The following PTPRN2 variants were observed in gnomAD, a reference collection of about 807,000 sequenced individuals.
PTPRN2 encodes protein tyrosine phosphatase receptor type N2.
A neutral mutation model predicts 118.8 loss-of-function variants in PTPRN2; 74 were observed. The observed-to-expected ratio is 0.62, with a 90% CI of 0.52 to 0.76. The LOEUF is 0.76. Among genes scored for constraint, PTPRN2 ranks in the 30% least tolerant of loss-of-function variants. The pLI is 0.00. For synonymous variants in PTPRN2, 641 were observed against 608.0 expected (o/e 1.05, Z -0.80); for missense variants, 1,481 against 1,394.4 (o/e 1.06, Z -0.99).
chr7:157,936,561 C>A (rs1799712511), intron 11 of PTPRN2, among the ~76,000 whole-genome samples: 1 of 142,976 alleles, frequency 7.0e-6, no homozygotes. Flanking sequence ...CACTCGGAAG[C>A]CAGGGTGGGG....
intron 2 of PTPRN2, among the ~76,000 whole-genome samples, chr7:158,392,591 G>C (rs4909205): frequency 1.2e-4 from 18 of 152,108 alleles, no homozygotes; most frequent in African/African-American, 3.6e-4. Context: ...CCTTGTGTCC[G>C]TGGGGGAGGA....
Position 157,622,325 on chromosome 7 carries a change from G to A in PTPRN2, c.2197-816C>T, listed in dbSNP as rs189103266. Among the ~76,000 whole-genome samples, 311 of 152,046 alleles carry A rather than the reference G, an allele frequency of 2.0e-3. 1 individual carries two copies. The highest frequency in any genetic ancestry group is 7.0e-3 in the African/African-American group (290 of 41,472). On this transcript the variant is annotated intron_variant, in intron 14 of 22. Transcript: ENST00000389418. The surrounding 1 kb of genome is among the most constrained non-coding windows in gnomAD (Gnocchi z 5.3). ...ACACAGGTTCCAAGTGTGTCCACAC[G>A]AGAAAATAAAGCATGCATGTGTACA...
intron 10 of PTPRN2, among the ~76,000 whole-genome samples, chr7:158,098,264 G>A (rs1318303826): frequency 6.6e-6 from 1 of 152,232 alleles, no homozygotes; most frequent in Non-Finnish European, 1.5e-5. Context: ...TCCGCAATGT[G>A]GGCAGGGGAC....
Position 157,604,049 on chromosome 7 carries a change from C to A in PTPRN2, c.2371G>T (p.Ala791Ser). ...TYDHSRVLLK[A>S]ENSHSHSDYI... ...TCTGAGTGGCTGTGGCTGTTCTCCG[C>A]CTTCAGCAGGACCCGGGAGTGGTCA... The change falls in exon 16 of 23, where the codon GCG becomes TCG. Residue 791 changes from alanine (A) to serine (S), a missense_variant. Ala to Ser is a moderately conservative substitution (Grantham distance 99, BLOSUM62 1). Coordinates refer to ENST00000389418, the MANE Select transcript of PTPRN2 (RefSeq NM_002847.5). 6.2e-7 allele frequency: 1 copy of A among 1,613,814 alleles called. No individual in the cohort carries two copies. The highest frequency in any genetic ancestry group is 8.5e-7 in the Non-Finnish European group (1 of 1,180,020).
intron 11 of PTPRN2, among the ~76,000 whole-genome samples, chr7:158,065,155 G>C (rs963980857): frequency 6.6e-6 from 1 of 152,220 alleles, no homozygotes; most frequent in African/African-American, 2.4e-5. Context: ...ACATGGCAGT[G>C]GCTCTGACTG....
At chr7:157,919,854 C>T (rs1270409580) in intron 11 of PTPRN2, among the ~76,000 whole-genome samples, 1 of 152,200 alleles carries the variant, frequency 6.6e-6, no homozygotes, top group Non-Finnish European at 1.5e-5. Flanking sequence ...ACGGAGCTGA[C>T]AAATTCCTGT....
intron 2 of PTPRN2, among the ~76,000 whole-genome samples, chr7:158,478,408 G>A (rs943426873): frequency 2.6e-5 from 4 of 152,204 alleles, no homozygotes; most frequent in Non-Finnish European, 5.9e-5. Context: ...AGCAATGGAC[G>A]CCACTGGGGA....
chr7:157,837,019 C>CCACCCATCCACT (rs1807990635), intron 12 of PTPRN2, among the ~76,000 whole-genome samples: 1 of 71,166 alleles, frequency 1.4e-5, no homozygotes, highest in African/African-American at 5.5e-5. Context: ...ACCCATCCAC[C>CCACCCATCCACT]CACCACCACC....
chr7:158,338,198 G>A (rs1297169056), intron 2 of PTPRN2, among the ~76,000 whole-genome samples: 2 of 67,430 alleles, frequency 3.0e-5, no homozygotes, highest in Non-Finnish European at 5.8e-5. Flanking sequence ...GACACCTGCA[G>A]ACGTCACTCA....
chr7:158,323,898 CT>C (rs1188670197), intron 2 of PTPRN2, among the ~76,000 whole-genome samples: 2 of 152,194 alleles, frequency 1.3e-5, no homozygotes, highest in African/African-American at 4.8e-5. Context: ...TTTTCACACA[CT>C]TCTCCCATGC....
At chr7:157,727,318 A>G (rs1311432068) in intron 12 of PTPRN2, among the ~76,000 whole-genome samples, 1 of 152,244 alleles carries the variant, frequency 6.6e-6, no homozygotes, top group Non-Finnish European at 1.5e-5. Flanking sequence ...GTGCAGACAT[A>G]TGGCATAACA....
rs531371556 is a variant in PTPRN2 at position 157,840,328 on chromosome 7, A to G, written c.1788+58345T>C. Among the ~76,000 whole-genome samples the G allele has an allele frequency of 3.9e-3, 453 of 117,434 alleles. 4 individuals are homozygous for G. The highest frequency in any genetic ancestry group is 0.011 in the South Asian group (37 of 3,304). 77.0% of individuals were successfully genotyped at this position (117,434 alleles called of 152,430 possible). A position where few individuals can be genotyped will look rare whatever the true frequency, so the allele number is the denominator to read the frequency against. ...CTGTGTGGCCACGTGTGACTGTGTG[A>G]CCGCGTGTGACGTGTGGCCGCGTGT... On this transcript the variant is annotated intron_variant, in intron 12 of 22. Coordinates refer to ENST00000389418, the MANE Select transcript of PTPRN2 (RefSeq NM_002847.5).
chr7:158,141,437 C>T (rs1045015834), intron 6 of PTPRN2, among the ~76,000 whole-genome samples: 3 of 152,176 alleles, frequency 2.0e-5, no homozygotes, highest in Admixed American at 1.3e-4. Flanking sequence ...CCACGTGCCC[C>T]GTTCACTGCA....
intron 12 of PTPRN2, among the ~76,000 whole-genome samples, chr7:157,806,947 C>G (rs1805672728): frequency 6.6e-6 from 1 of 152,260 alleles, no homozygotes; most frequent in Admixed American, 6.5e-5. Context: ...CTGGGCTCCC[C>G]TCTGAGCATC....
intron 11 of PTPRN2, among the ~76,000 whole-genome samples, chr7:157,969,444 G>A (rs1227290315): frequency 6.6e-6 from 1 of 152,152 alleles, no homozygotes; most frequent in East Asian, 1.9e-4. Flanking sequence ...TCCTGCACTT[G>A]TCAGTGGCCA....
chr7:158,523,466 G>T lies in PTPRN2; in HGVS notation c.113-33681C>A, dbSNP rs111631125. Among the ~76,000 whole-genome samples, 43 of 143,934 alleles carry T rather than the reference G, an allele frequency of 3.0e-4. No homozygotes were observed. The South Asian group carries it at 8.2e-3, about 27-fold the overall frequency. 94.4% of individuals were successfully genotyped at this position (143,934 alleles called of 152,430 possible). A position where few individuals can be genotyped will look rare whatever the true frequency, so the allele number is the denominator to read the frequency against. On this transcript the variant is annotated intron_variant, in intron 1 of 22. Coordinates refer to ENST00000389418, the MANE Select transcript of PTPRN2 (RefSeq NM_002847.5). Reference sequence around the variant, plus strand: ...CTGGAGCGGAGTCGTCTGCCCTGGAGTGGAGTCCTCTGCCCTGGAGTGGAG... The same window carrying T: ...CTGGAGCGGAGTCGTCTGCCCTGGATTGGAGTCCTCTGCCCTGGAGTGGAG...
chr7:158,161,498 T>C (rs906386246), intron 6 of PTPRN2, among the ~76,000 whole-genome samples: 3 of 152,188 alleles, frequency 2.0e-5, no homozygotes, highest in African/African-American at 7.2e-5. Context: ...GGATCGCCTC[T>C]TAACAAATGG....
chr7:158,219,482 A>G (rs1220047492), intron 3 of PTPRN2, among the ~76,000 whole-genome samples: 1 of 152,248 alleles, frequency 6.6e-6, no homozygotes, highest in East Asian at 1.9e-4. Flanking sequence ...TCTCAAATTA[A>G]CAACATAACA....
At chr7:157,712,695 T>C (rs1217950872) in intron 12 of PTPRN2, among the ~76,000 whole-genome samples, 1 of 137,526 alleles carries the variant, frequency 7.3e-6, no homozygotes, top group Non-Finnish European at 1.5e-5. Flanking sequence ...AGGTTGCGGC[T>C]ACCCAAGATT....
Sources: gnomAD v4.1 joint callset for allele counts (sites outside exome capture counted in the v4.1 genomes callset) on GRCh38, gnomAD v4.1.1 for gene constraint, Gnocchi (gnomAD v3.1) non-coding constraint, MANE v1.5 for transcripts, NCBI Gene and HGNC (gene_info 2026-07-23, HGNC 2026-07-21) for gene names.